UBR4: variants seen among roughly 807,000 people sequenced by gnomAD.
The protein encoded by UBR4 is ubiquitin protein ligase E3 component n-recognin 4, also known as E3 ubiquitin-protein ligase UBR4.
A neutral mutation model predicts 575.6 loss-of-function variants in UBR4; 124 were observed. The observed-to-expected ratio is 0.22, with a 90% CI of 0.19 to 0.25. UBR4 has a LOEUF of 0.25. UBR4 is among the 10% of genes least tolerant of loss of function. The pLI is 1.00. For missense variants in UBR4, 4,818 were observed against 6,478.8 expected (o/e 0.74, Z 8.80); for synonymous variants, 2,455 against 2,473.7 (o/e 0.99, Z 0.22).
Position 19,154,116 on chromosome 1 carries a change from C to T in UBR4, c.6459-177G>A, listed in dbSNP as rs139878138. Among the ~76,000 whole-genome samples the T allele has an allele frequency of 3.3e-3, 495 of 152,294 alleles. 4 individuals are homozygous for T. The highest frequency in any genetic ancestry group is 6.8e-3 in the Middle Eastern group (2 of 294). ...AAGCCATGCACACATGCTCATACACCCCAATGCGTGCTTATGGCAGGGCAG... is the reference window on the plus strand; with the variant it reads ...AAGCCATGCACACATGCTCATACACTCCAATGCGTGCTTATGGCAGGGCAG... On this transcript the variant is annotated intron_variant, in intron 44 of 105. Coordinates refer to ENST00000375254, the MANE Select transcript of UBR4 (RefSeq NM_020765.3).
chr1:19,173,603 A>G lies in UBR4; in HGVS notation c.3001T>C (p.Tyr1001His), dbSNP rs766481717. ...VTALEACALQ[Y>H]YFLILWRILG... is the part of the protein sequence containing the mutation. Reference sequence around the variant, plus strand: ...ATCCTCCACAGTATCAAGAAGTAATATTGAAGGGCACAGGCCTCCTGGAGA... The same window carrying G: ...ATCCTCCACAGTATCAAGAAGTAATGTTGAAGGGCACAGGCCTCCTGGAGA... Residue 1001 changes from tyrosine to histidine, a missense_variant, in exon 23 of 106, where the codon TAT (tyrosine) becomes CAT (histidine). By Grantham distance (83) the Tyr-to-His change is moderately conservative. Transcript: ENST00000375254. 1 of 1,614,150 alleles carries G rather than the reference A, an allele frequency of 6.2e-7. No homozygotes were observed. The highest frequency in any genetic ancestry group is 1.1e-5 in the South Asian group (1 of 91,080).
At chr1:19,206,566 C>T (rs1340133844) in intron 1 of UBR4, among the ~76,000 whole-genome samples, 1 of 152,134 alleles carries the variant, frequency 6.6e-6, no homozygotes, top group Non-Finnish European at 1.5e-5. Context: ...AAACTCCTGA[C>T]CTCAGGTGAT....
intron 15 of UBR4, 33 bp from the exon 16 acceptor site, chr1:19,184,208 A>G (rs2091301656): frequency 1.2e-6 from 2 of 1,608,010 alleles, no homozygotes; most frequent in Non-Finnish European, 1.7e-6. Context: ...AGCTCTTATC[A>G]GGGTCATAAG....
chr1:19,164,020 T>C (rs1057042374), intron 33 of UBR4, among the ~76,000 whole-genome samples, 193 bp from the exon 34 acceptor site: 1 of 152,180 alleles, frequency 6.6e-6, no homozygotes, highest in Non-Finnish European at 1.5e-5. Context: ...CATTAACACT[T>C]GGCATACTTT....
rs766297907 is a variant in UBR4 at position 19,099,644 on chromosome 1, G to A, written c.13255C>T (p.Leu4419Phe). Reference protein sequence around the residue: ...LVNNKIISLDLPVAEVYKKVW... With the variant: ...LVNNKIISLDFPVAEVYKKVW... The stretch of plus-strand genomic sequence containing the variant: ...TTCTTGTAAACTTCAGCCACAGGAA[G>A]GTCCAAACTAATGATTTTATTGTTC... The change falls in exon 90 of 106, where the codon CTT (leucine) becomes TTT (phenylalanine). Residue 4419 changes from leucine (L) to phenylalanine (F), a missense_variant. Leu to Phe is a conservative substitution (Grantham distance 22). Coordinates refer to ENST00000375254, the MANE Select transcript of UBR4 (RefSeq NM_020765.3). 8.1e-6 allele frequency: 13 copies of A among 1,613,820 alleles called. No individual in the cohort carries two copies. The highest frequency in any genetic ancestry group is 1.0e-5 in the Non-Finnish European group (12 of 1,179,906).
At position 19,092,882 on chromosome 1, in the gene UBR4, G is replaced by A; in HGVS notation, c.14148C>T (p.Arg4716=). 1 of 1,613,586 alleles carries A rather than the reference G, an allele frequency of 6.2e-7. No individual in the cohort carries two copies. Among genetic ancestry groups the A allele is most frequent in the Non-Finnish European group, 8.5e-7 (1 of 1,179,876 alleles). The change falls in exon 97 of 106, where the codon CGC becomes CGT. Residue 4716 remains arginine, a synonymous_variant. Coordinates refer to ENST00000375254, the MANE Select transcript of UBR4 (RefSeq NM_020765.3). ...DADIWKKFLS[R]PALPFILRLL... ...GCCTTAGGATAAATGGCAAGGCTGG[G>A]CGAGACAAAAACTTTTTCCAGATGT...
intron 85 of UBR4, 71 bp downstream of exon 85, chr1:19,104,977 A>G (rs2079031010): frequency 4.5e-6 from 7 of 1,562,884 alleles, no homozygotes; most frequent in East Asian, 2.2e-5. Flanking sequence ...ACAAAACACC[A>G]TAGTAGAGTT....
chr1:19,188,598 C>A (rs2091783670), intron 11 of UBR4, among the ~76,000 whole-genome samples: 1 of 152,120 alleles, frequency 6.6e-6, no homozygotes, highest in African/African-American at 2.4e-5. Context: ...AAAGTGTTTT[C>A]CTCCTGTCCA....
chr1:19,181,079 T>C lies in UBR4; in HGVS notation c.2185-1859A>G, dbSNP rs1202895285. ...ACACTGGCACCCCAAAACTTCATCATAGTTAAACTGAAACCTTAGGCCGAG... is the reference window on the plus strand; with the variant it reads ...ACACTGGCACCCCAAAACTTCATCACAGTTAAACTGAAACCTTAGGCCGAG... On this transcript the variant is annotated intron_variant, in intron 17 of 105. Transcript: ENST00000375254. Among the ~76,000 whole-genome samples the C allele has an allele frequency of 2.6e-5, 4 of 152,286 alleles. 1 individual carries two copies. The highest frequency in any genetic ancestry group is 3.9e-4 in the East Asian group (2 of 5,184).
chr1:19,187,857 A>G (rs1470238561), intron 11 of UBR4, among the ~76,000 whole-genome samples: 1 of 151,950 alleles, frequency 6.6e-6, no homozygotes, highest in African/African-American at 2.4e-5. Context: ...TATGCCCAGC[A>G]ATTTTAGACC....
intron 21 of UBR4, among the ~76,000 whole-genome samples, 194 bp downstream of exon 21, chr1:19,174,760 C>A (rs1353475287): frequency 1.3e-5 from 2 of 152,204 alleles, no homozygotes; most frequent in South Asian, 2.1e-4. Flanking sequence ...CCAGAAAGGA[C>A]AAACCCCACA....
rs775517779 is a variant in UBR4, at chr1:19,154,933, G to A, written c.6443C>T (p.Pro2148Leu). The change falls in exon 44 of 106, where the codon CCC (proline) becomes CTC (leucine). Residue 2148 changes from proline (P) to leucine (L), a missense_variant. Pro to Leu is a moderately conservative substitution (Grantham distance 98, BLOSUM62 -3). This residue lies in a region of UBR4 where 461 missense variants were observed against 606.9 expected (regional missense o/e 0.76). Coordinates refer to ENST00000375254, the MANE Select transcript of UBR4 (RefSeq NM_020765.3). ...TCATTCCCACCTTTTGATGTTGATG[G>A]GGAAGAGTTGCAACACCTCCAGGGT... ...RTTLEVLQLF[P>L]INIKSSNGGS... 28 of 1,614,152 alleles carry A rather than the reference G, an allele frequency of 1.7e-5. No individual in the cohort carries two copies. In the South Asian group the frequency reaches 3.0e-4, roughly 17 times the overall value.
chr1:19,128,318 C>T lies in UBR4; in HGVS notation c.9004G>A (p.Val3002Ile). Reference protein sequence around the residue: ...GGVRAIPYMQVILMLTTDLDG... With the variant: ...GGVRAIPYMQIILMLTTDLDG... ...AGATCTGTAGTGAGCATTAGAATGA[C>T]CTAGAAGTCAAAGACAGAAAACACA... Residue 3002 changes from valine to isoleucine, a missense_variant and splice_region_variant, in exon 62 of 106, where the codon GTC (valine) becomes ATC (isoleucine). Transcript: ENST00000375254. The T allele has an allele frequency of 6.2e-7, 1 of 1,613,198 alleles. No individual in the cohort carries two copies. The highest frequency in any genetic ancestry group is 8.5e-7 in the Non-Finnish European group (1 of 1,179,520).
Position 19,095,575 on chromosome 1 carries a change from G to C in UBR4, c.13596C>G (p.Thr4532=). The change falls in exon 93 of 106, where the codon ACC becomes ACG. Residue 4532 remains threonine (T), a synonymous_variant. Transcript: ENST00000375254. The stretch of plus-strand genomic sequence containing the variant: ...TTAGGGTCCCCAGCATGACGTTCAA[G>C]GTGTTCATTTCCAGTTTGACCAGTT... The part of the protein sequence containing the change: ...RQQLVKLEMN[T]LNVMLGTLNL... The C allele has an allele frequency of 6.2e-7, 1 of 1,614,096 alleles. No individual in the cohort carries two copies. Among genetic ancestry groups the C allele is most frequent in the Non-Finnish European group, 8.5e-7 (1 of 1,180,008 alleles).
At position 19,192,171 on chromosome 1, in the gene UBR4, A is replaced by C. The variant is rs201839409; in HGVS notation, c.1394+17T>G. On this transcript the variant is annotated intron_variant, in intron 11 of 105. Transcript: ENST00000375254. ...GAAATAAAACAAAATATAAGTTATA[A>C]TCAAGTAGACACATACCCTTTTCCA... The C allele has an allele frequency of 2.6e-4, 414 of 1,601,408 alleles. No homozygotes were observed. Among genetic ancestry groups the C allele is most frequent in the Non-Finnish European group, 3.3e-4 (387 of 1,174,970 alleles).
chr1:19,188,071 A>AAAT (rs1156468669), intron 11 of UBR4, among the ~76,000 whole-genome samples: 3 of 123,140 alleles, frequency 2.4e-5, no homozygotes, highest in African/African-American at 6.0e-5. Flanking sequence ...AATAAATAAA[A>AAAT]CCTCCTGGAA....
intron 55 of UBR4, among the ~76,000 whole-genome samples, chr1:19,143,209 GGAAA>G (rs1418777156): frequency 4.8e-4 from 66 of 136,198 alleles, no homozygotes; most frequent in Admixed American, 9.3e-4. Context: ...AAGGAAGGAA[GGAAA>G]GAAAGGAAGG....
At chr1:19,156,946 A>G (rs778026480) in intron 40 of UBR4, 21 bp from the exon 41 acceptor site, 15 of 1,608,492 alleles carry the variant, frequency 9.3e-6, no homozygotes, top group Non-Finnish European at 1.2e-5. Flanking sequence ...ACAATGACTA[A>G]TTTATTCCTA....
Position 19,140,857 on chromosome 1 carries a change from C to T in UBR4, c.8524G>A (p.Gly2842Arg). 1 of 1,612,346 alleles carries T rather than the reference C, an allele frequency of 6.2e-7. No individual in the cohort carries two copies. Among genetic ancestry groups the T allele is most frequent in the African/African-American group, 1.3e-5 (1 of 75,050 alleles). Residue 2842 changes from glycine (G) to arginine (R), a missense_variant, in exon 58 of 106, where the codon GGA becomes AGA. Gly to Arg is a moderately radical substitution (Grantham distance 125). Transcript: ENST00000375254. ...GAGCTGGGTGCCTGGCCGGACAGTCCCAGGCTCTGCAGGCCCAGGGCACTG... is the reference window on the plus strand; with the variant it reads ...GAGCTGGGTGCCTGGCCGGACAGTCTCAGGCTCTGCAGGCCCAGGGCACTG... ...SSSALGLQSL[G>R]LSGQAPSSSS...
Sources: allele counts gnomAD v4.1 joint callset (sites outside exome capture counted in the v4.1 genomes callset), GRCh38; gene constraint gnomAD v4.1.1; regional missense constraint gnomAD v4.1.1; transcripts MANE v1.5; gene names NCBI Gene and HGNC (gene_info 2026-07-23, HGNC 2026-07-21).